The following SPAST variants were observed in gnomAD, a reference collection of about 807,000 sequenced individuals.
SPAST encodes the protein spastin.
In SPAST, 30 loss-of-function variants were observed where a neutral mutation model predicts 76.6. That is an observed-to-expected ratio of 0.39 (90% CI 0.29 to 0.53). The LOEUF is 0.53. Among genes scored for constraint, SPAST ranks in the 20% least tolerant of loss-of-function variants. The pLI is 0.68. For synonymous variants in SPAST, 305 were observed against 281.0 expected (o/e 1.09, Z -0.86); for missense variants, 717 against 770.5 (o/e 0.93, Z 0.82).
intron 1 of SPAST, among the ~76,000 whole-genome samples, chr2:32,076,416 C>T (rs1007694733): frequency 1.3e-5 from 2 of 151,964 alleles, no homozygotes; most frequent in African/African-American, 4.8e-5. Flanking sequence ...GACACAGGGT[C>T]CTACTGTATT....
Position 32,114,747 on chromosome 2 carries a change from T to C in SPAST, c.792T>C (p.His264=), listed in dbSNP as rs763326735. 2 of 1,614,098 alleles carry C rather than the reference T, an allele frequency of 1.2e-6. No individual in the cohort carries two copies. The highest frequency in any genetic ancestry group is 1.7e-6 in the Non-Finnish European group (2 of 1,179,974). ...GATCTGCAGGCCTTTCAGGCCACCA[T>C]AGAGCACCTAGTTACAGTGGTTTAT... ...KTGSAGLSGH[H]RAPSYSGLSM... is the part of the protein sequence containing the mutation. Residue 264 remains histidine (H), a synonymous_variant, in exon 5 of 17, where the codon CAT becomes CAC. Transcript: ENST00000315285.
intron 16 of SPAST, among the ~76,000 whole-genome samples, chr2:32,152,838 C>T (rs1444808009): frequency 3.3e-5 from 5 of 151,926 alleles, no homozygotes; most frequent in East Asian, 1.9e-4. Flanking sequence ...GCCTCAACCT[C>T]CCAGACTCAA....
chr2:32,080,742 T>C (rs1280663143), intron 1 of SPAST, among the ~76,000 whole-genome samples: 1 of 151,656 alleles, frequency 6.6e-6, no homozygotes, highest in Admixed American at 6.6e-5. Flanking sequence ...ATTGAAATAA[T>C]TTGAATATGG....
At chr2:32,121,182 C>T (rs1424198799) in intron 7 of SPAST, among the ~76,000 whole-genome samples, 1 of 152,020 alleles carries the variant, frequency 6.6e-6, no homozygotes, top group Admixed American at 6.6e-5. Flanking sequence ...GAAGGAGTCT[C>T]ACTCTTCTCA....
rs556108871 is a variant in SPAST at position 32,127,150 on chromosome 2, T to TTTTG, written c.1173+140_1173+143dup. The TTTTG allele has an allele frequency of 5.4e-6, 4 of 742,076 alleles. No individual in the cohort carries two copies. The South Asian group carries it at 6.0e-5, about 11-fold the overall frequency. The allele number at this position is 742,076 out of a possible 1,614,324, so 46.0% of individuals were successfully genotyped here. ...TTTTGCTATTGTACACTTTTGTTTT[T>TTTTG]TTTGTTTGTTTGTTTTGTTTTGTTT... On this transcript the variant is annotated intron_variant, in intron 8 of 16. Transcript: ENST00000315285.
intron 4 of SPAST, among the ~76,000 whole-genome samples, chr2:32,114,055 T>C (rs970096681): frequency 6.6e-6 from 1 of 151,938 alleles, no homozygotes; most frequent in African/African-American, 2.4e-5. Context: ...GCAATTCTCC[T>C]GCCTCAGCCT....
At chr2:32,071,893 T>C (rs752334601) in intron 1 of SPAST, among the ~76,000 whole-genome samples, 3 of 152,150 alleles carry the variant, frequency 2.0e-5, no homozygotes, top group Non-Finnish European at 4.4e-5. Context: ...GACTCTTAAG[T>C]TAATTTTCTC....
chr2:32,075,012 A>G (rs1676896836), intron 1 of SPAST, among the ~76,000 whole-genome samples: 1 of 152,182 alleles, frequency 6.6e-6, no homozygotes, highest in Non-Finnish European at 1.5e-5. Flanking sequence ...AGTACTTTTA[A>G]GATTACAGCT....
chr2:32,126,683 C>A (rs1326206639), intron 7 of SPAST: 8 of 307,774 alleles, frequency 2.6e-5, no homozygotes, highest in Non-Finnish European at 4.8e-5. Flanking sequence ...AGCAGAGTTC[C>A]CCTATGTTGC....
At position 32,064,041 on chromosome 2, in the gene SPAST, C is replaced by G. The variant is rs758274040; in HGVS notation, c.210C>G (p.His70Gln). 2 of 1,613,358 alleles carry G rather than the reference C, an allele frequency of 1.2e-6. No homozygotes were observed. The highest frequency in any genetic ancestry group is 1.7e-6 in the Non-Finnish European group (2 of 1,179,544). The change falls in exon 1 of 17, where the codon CAC becomes CAG. Residue 70 changes from histidine to glutamine, a missense_variant. Physicochemically the swap from His to Gln is conservative, Grantham distance 24. Coordinates refer to ENST00000315285, the MANE Select transcript of SPAST (RefSeq NM_014946.4). ...CGCTGCTGCGTTTGGTCGCCTTCCA[C>G]CTGGGGCTCCTCTTCGTGTGGCTCT... ...GFALLRLVAF[H>Q]LGLLFVWLCQ...
intron 7 of SPAST, among the ~76,000 whole-genome samples, chr2:32,122,794 A>C (rs1679062789): frequency 6.6e-6 from 1 of 151,992 alleles, no homozygotes; most frequent in Non-Finnish European, 1.5e-5. Context: ...AAAAAAATAG[A>C]TGAATATCTT....
At chr2:32,134,290 C>T (rs1679464101) in intron 9 of SPAST, among the ~76,000 whole-genome samples, 1 of 152,090 alleles carries the variant, frequency 6.6e-6, no homozygotes, top group South Asian at 2.1e-4. Flanking sequence ...ATCACAAGGT[C>T]AGGAGTTCGA....
At chr2:32,092,615 T>A (rs867363003) in intron 3 of SPAST, among the ~76,000 whole-genome samples, 1 of 152,228 alleles carries the variant, frequency 6.6e-6, no homozygotes, top group Admixed American at 6.5e-5. Flanking sequence ...TTTAAAGATT[T>A]AACGTTTTGG....
At chr2:32,096,041 A>G (rs1023797059) in intron 3 of SPAST, among the ~76,000 whole-genome samples, 1 of 152,184 alleles carries the variant, frequency 6.6e-6, no homozygotes, top group Non-Finnish European at 1.5e-5. Flanking sequence ...TGGGGGTTGG[A>G]TGTGAGGAGG....
chr2:32,079,515 G>A (rs1306339694), intron 1 of SPAST, among the ~76,000 whole-genome samples: 1 of 145,136 alleles, frequency 6.9e-6, no homozygotes, highest in Non-Finnish European at 1.5e-5. Flanking sequence ...AAAAAAAAAA[G>A]TATTTTTTCG....
chr2:32,090,322 A>G (rs1677661545), intron 3 of SPAST, among the ~76,000 whole-genome samples: 1 of 152,206 alleles, frequency 6.6e-6, no homozygotes, highest in Non-Finnish European at 1.5e-5. Context: ...TAACATATTT[A>G]CTGTCTGGCC....
intron 7 of SPAST, among the ~76,000 whole-genome samples, chr2:32,119,917 C>G (rs1285551072): frequency 2.0e-5 from 3 of 151,880 alleles, no homozygotes; most frequent in African/African-American, 7.3e-5. Flanking sequence ...TTATTTTGTT[C>G]TCTTGCTGCT....
At chr2:32,084,604 G>A (rs1479230549) in intron 1 of SPAST, among the ~76,000 whole-genome samples, 1 of 151,920 alleles carries the variant, frequency 6.6e-6, no homozygotes, top group Non-Finnish European at 1.5e-5. Context: ...AAATGGTTGA[G>A]GCTGGCTGTG....
intron 1 of SPAST, among the ~76,000 whole-genome samples, chr2:32,078,983 A>G (rs1029536233): frequency 1.3e-5 from 2 of 152,006 alleles, no homozygotes; most frequent in African/African-American, 2.4e-5. Flanking sequence ...GACTACAGGT[A>G]CATGTCACCA....
Sources: gnomAD v4.1 joint callset for allele counts (sites outside exome capture counted in the v4.1 genomes callset) on GRCh38, gnomAD v4.1.1 for gene constraint, MANE v1.5 for transcripts, NCBI Gene and HGNC (gene_info 2026-07-23, HGNC 2026-07-21) for gene names.